Variants in CYRIB observed in about 807,000 individuals in gnomAD.
CYRIB encodes the protein CYFIP-related Rac1 interactor B.
In CYRIB, 8 loss-of-function variants were observed where a neutral mutation model predicts 44.2. The ratio of observed to expected loss-of-function variants is 0.18; its 90% CI spans 0.11 to 0.33. The LOEUF (loss-of-function observed/expected upper bound fraction) is 0.33, where lower values mean the gene tolerates loss of function less well. Among genes scored for constraint, CYRIB ranks in the 10% least tolerant of loss-of-function variants. The pLI is 1.00. For missense variants in CYRIB, 185 were observed against 382.8 expected (o/e 0.48, Z 4.31); for synonymous variants, 131 against 127.2 (o/e 1.03, Z -0.20).
At chr8:129,915,025 A>G (rs1009915452) in intron 1 of CYRIB, among the ~76,000 whole-genome samples, 5 of 152,226 alleles carry the variant, frequency 3.3e-5, no homozygotes, top group African/African-American at 1.2e-4. Context: ...ACTGTAAATG[A>G]CCATACCAAG....
intron 2 of CYRIB, chr8:129,879,893 T>C (rs1206873903): frequency 1.3e-5 from 2 of 156,190 alleles, no homozygotes; most frequent in Non-Finnish European, 2.8e-5. Context: ...CATTTGGCCA[T>C]GTCTCACCTT....
chr8:129,862,477 A>AT (rs1018697880), intron 4 of CYRIB, 143 bp from the exon 7 acceptor site: 8,989 of 567,214 alleles, frequency 0.016, 2 homozygotes, highest in South Asian at 0.027. Flanking sequence ...AGTGTTGAAT[A>AT]TTTTTTTTTT....
intron 1 of CYRIB, among the ~76,000 whole-genome samples, chr8:129,931,249 G>C (rs1241543382): frequency 6.6e-6 from 1 of 152,058 alleles, no homozygotes; most frequent in East Asian, 1.9e-4. Flanking sequence ...TAAAGGGAAA[G>C]AAGCCTCCCT....
At chr8:129,850,608 T>A (rs1430355769) in intron 9 of CYRIB, 8 of 529,492 alleles carry the variant, frequency 1.5e-5, no homozygotes, top group Non-Finnish European at 2.7e-5. Flanking sequence ...GTCTGAGTGG[T>A]CTGAGGTACC....
At chr8:129,883,604 C>G (rs2061605904) in intron 2 of CYRIB, among the ~76,000 whole-genome samples, 1 of 152,044 alleles carries the variant, frequency 6.6e-6, no homozygotes, top group Non-Finnish European at 1.5e-5. Context: ...TGGCCAAAAA[C>G]CAAACAAACA....
Position 129,871,479 on chromosome 8 carries a change from A to G in CYRIB, c.91T>C (p.Ser31Pro), listed in dbSNP as rs751308047. The G allele has an allele frequency of 2.5e-6, 4 of 1,609,088 alleles. No individual in the cohort carries two copies. The South Asian group carries it at 4.5e-5, about 18-fold the overall frequency. Residue 31 changes from serine to proline, a missense_variant, in exon 4 of 12, where the codon TCT becomes CCT. Transcript: ENST00000519824. Reference sequence around the variant, plus strand: ...ACCTGATTATAAATTTCCTTCTCAGACTCTGTAGGCTGGGCATCTAAACAG... The same window carrying G: ...ACCTGATTATAAATTTCCTTCTCAGGCTCTGTAGGCTGGGCATCTAAACAG...
intron 1 of CYRIB, among the ~76,000 whole-genome samples, chr8:130,012,063 A>G (rs991612612): frequency 6.6e-6 from 1 of 152,136 alleles, no homozygotes; most frequent in Admixed American, 6.6e-5. Context: ...TAATGATTTC[A>G]GATTATCTTA....
At chr8:129,947,612 T>A (rs548848644) in intron 2 of CYRIB, among the ~76,000 whole-genome samples, 2 of 152,144 alleles carry the variant, frequency 1.3e-5, no homozygotes, top group Non-Finnish European at 2.9e-5. Context: ...TCACCCTGAT[T>A]ATATGAGTAA....
rs1237464403 is a variant in CYRIB, at chr8:129,883,165, C to T, written c.-10-3694G>A. 2.9e-5 allele frequency among the ~76,000 whole-genome samples: 4 copies of T among 136,272 alleles called. No homozygotes were observed. The East Asian group carries it at 6.8e-4, about 23-fold the overall frequency. 89.4% of individuals were successfully genotyped at this position (136,272 alleles called of 152,430 possible). On this transcript the variant is annotated intron_variant, in intron 2 of 11. Transcript: ENST00000519824. ...AGGAATTGGCTCAGTTTATCTAACA[C>T]AGTGTTTCTCAGTCTCAGCACTACT...
At chr8:129,946,900 G>T (rs752402232) in intron 2 of CYRIB, among the ~76,000 whole-genome samples, 1 of 152,044 alleles carries the variant, frequency 6.6e-6, no homozygotes, top group Non-Finnish European at 1.5e-5. Context: ...TTGGCTGTTT[G>T]TCAGCCTTCG....
At position 130,009,633 on chromosome 8, in the gene CYRIB, C is replaced by T. The variant is rs905916917; in HGVS notation, c.-296+6737G>A. On this transcript the variant is annotated intron_variant, in intron 1 of 14. Coordinates refer to the CYRIB transcript ENST00000401979. ...GATCCCATCTCTGCCAGAAGGATAGCCCTGGACAAATCATACAGCTCTCAC... is the reference window on the plus strand; with the variant it reads ...GATCCCATCTCTGCCAGAAGGATAGTCCTGGACAAATCATACAGCTCTCAC... Among the ~76,000 whole-genome samples the T allele has an allele frequency of 2.6e-5, 4 of 152,150 alleles. No homozygotes were observed. In the South Asian group the frequency reaches 8.3e-4, roughly 32 times the overall value.
intron 1 of CYRIB, among the ~76,000 whole-genome samples, chr8:129,991,779 GTC>G (rs1261106753): frequency 6.6e-6 from 1 of 151,066 alleles, no homozygotes; most frequent in African/African-American, 2.4e-5. Context: ...GTGAAACCTT[GTC>G]TCTACCAAAA....
chr8:129,884,469 G>A (rs1468589762), intron 2 of CYRIB, among the ~76,000 whole-genome samples: 1 of 151,878 alleles, frequency 6.6e-6, no homozygotes, highest in African/African-American at 2.4e-5. Flanking sequence ...TGTATTTTTA[G>A]TAGAGACAGG....
At chr8:130,003,077 C>A (rs1243341518) in intron 1 of CYRIB, among the ~76,000 whole-genome samples, 1 of 152,158 alleles carries the variant, frequency 6.6e-6, no homozygotes, top group Non-Finnish European at 1.5e-5. Flanking sequence ...AATTAGGGAA[C>A]CACTGCTGTT....
At chr8:129,883,446 C>T (rs1044557923) in intron 2 of CYRIB, among the ~76,000 whole-genome samples, 1 of 152,162 alleles carries the variant, frequency 6.6e-6, no homozygotes, top group Non-Finnish European at 1.5e-5. Context: ...ACATAGGCAG[C>T]TCATATCACA....
At chr8:129,966,241 A>G (rs1250615378) in intron 2 of CYRIB, among the ~76,000 whole-genome samples, 1 of 152,222 alleles carries the variant, frequency 6.6e-6, no homozygotes, top group Non-Finnish European at 1.5e-5. Flanking sequence ...TGTTACATGC[A>G]TCTTCACACA....
Position 129,906,240 on chromosome 8 carries a change from G to T in CYRIB, c.-49-2890C>A, listed in dbSNP as rs190466091. On this transcript the variant is annotated intron_variant, in intron 1 of 11. Coordinates refer to ENST00000519824, the Ensembl canonical transcript of CYRIB. ...CAGTAACCAAAACAGCATGCTACTG[G>T]TACCAAAACAGAGATATAGACCAAT... 6.2e-4 allele frequency among the ~76,000 whole-genome samples: 94 copies of T among 152,238 alleles called. 1 individual carries two copies. The highest frequency in any genetic ancestry group is 2.1e-3 in the African/African-American group (87 of 41,548).
intron 1 of CYRIB, among the ~76,000 whole-genome samples, chr8:129,999,839 G>A (rs2096867776): frequency 6.6e-6 from 1 of 152,086 alleles, no homozygotes; most frequent in Non-Finnish European, 1.5e-5. Context: ...ATGTTGCCCA[G>A]GCTGCTCTGG....
chr8:129,955,073 G>T (rs891207384), intron 2 of CYRIB, among the ~76,000 whole-genome samples: 5 of 152,036 alleles, frequency 3.3e-5, no homozygotes, highest in Admixed American at 1.3e-4. Context: ...GGCCAACATG[G>T]TGAAGTCCCG....
Sources: allele counts gnomAD v4.1 joint callset (sites outside exome capture counted in the v4.1 genomes callset), GRCh38; gene constraint gnomAD v4.1.1; transcripts MANE v1.5; gene names NCBI Gene and HGNC (gene_info 2026-07-23, HGNC 2026-07-21).